ZNF462: variants seen among roughly 807,000 people sequenced by gnomAD.
The protein encoded by ZNF462 is zinc finger PBX1-interacting protein.
In ZNF462, 10 loss-of-function variants were observed where a neutral mutation model predicts 201.9. The ratio of observed to expected loss-of-function variants is 0.05; its 90% CI spans 0.03 to 0.08. The LOEUF is 0.08. Among genes scored for constraint, ZNF462 ranks in the 10% least tolerant of loss-of-function variants. ZNF462 has a pLI of 1.00. For missense variants in ZNF462, 2,523 were observed against 3,168.3 expected, an observed-to-expected ratio of 0.80 and a Z score of 4.89; for synonymous variants, 1,227 against 1,193.3, an observed-to-expected ratio of 1.03 and a Z score of -0.58.
chr9:106,939,248 AT>A, intron 7 of ZNF462, 141 bp downstream of exon 7: 4 of 939,952 alleles, frequency 4.3e-6, no homozygotes, highest in Non-Finnish European at 6.2e-6. Flanking sequence ...AAAAGTTGAA[AT>A]GGTGTGGAAG....
Position 107,010,235 on chromosome 9 carries a change from A to C in ZNF462, c.7313+567A>C, listed in dbSNP as rs932130897. Among the ~76,000 whole-genome samples the C allele has an allele frequency of 6.6e-6, 1 of 152,132 alleles. No homozygotes were observed. Among genetic ancestry groups the C allele is most frequent in the African/African-American group, 2.4e-5 (1 of 41,430 alleles). On this transcript the variant is annotated intron_variant, in intron 12 of 12. Transcript: ENST00000277225. The surrounding 1 kb of genome is among the most constrained non-coding windows in gnomAD (Gnocchi z 4.6). ...GGATGTGGTCTTTTCAGGAGGAAAC[A>C]TGGCTTGTGTGGTGATAGGAAGCCT...
At chr9:106,948,586 C>G (rs1372657441) in intron 7 of ZNF462, among the ~76,000 whole-genome samples, 1 of 152,046 alleles carries the variant, frequency 6.6e-6, no homozygotes. Context: ...CCAGAATAAT[C>G]TCTATTCACA....
chr9:106,867,578 A>C (rs541917960), intron 1 of ZNF462, among the ~76,000 whole-genome samples: 4 of 152,208 alleles, frequency 2.6e-5, no homozygotes, highest in Admixed American at 2.6e-4. Flanking sequence ...TTTAGAGAAA[A>C]AAAAAAAAAC....
intron 1 of ZNF462, among the ~76,000 whole-genome samples, chr9:106,878,281 G>A (rs796500517): frequency 5.9e-5 from 9 of 152,284 alleles, no homozygotes; most frequent in African/African-American, 2.2e-4. Flanking sequence ...ACCCTGCCAG[G>A]GGCCCAATAA....
chr9:106,864,490 C>G lies in ZNF462; in HGVS notation c.-31+1135C>G, dbSNP rs1476159156. Among the ~76,000 whole-genome samples, 3 of 152,100 alleles carry G rather than the reference C, an allele frequency of 2.0e-5. No individual in the cohort carries two copies. In the East Asian group the frequency reaches 5.8e-4, roughly 30 times the overall value. ...GCAGCCCCTCTTTCCCTTTCTTTAT[C>G]TCCCTGTCCTCCATTTGCAAGCTGT... On this transcript the variant is annotated intron_variant, in intron 1 of 12. Transcript: ENST00000277225.
Position 107,003,437 on chromosome 9 carries a change from T to C in ZNF462, c.7189+11T>C. 1 of 1,612,566 alleles carries C rather than the reference T, an allele frequency of 6.2e-7. No homozygotes were observed. The highest frequency in any genetic ancestry group is 8.5e-7 in the Non-Finnish European group (1 of 1,179,396). On this transcript the variant is annotated intron_variant, in intron 11 of 12. Coordinates refer to ENST00000277225, the MANE Select transcript of ZNF462 (RefSeq NM_021224.6). The surrounding 1 kb of genome is among the most constrained non-coding windows in gnomAD (Gnocchi z 4.4). ...AGGCTGAAGACAGAGGTTAGTCTCA[T>C]CCTGCCCTCCCAATCCCAGATGGCA...
At chr9:106,971,164 C>A (rs1826587495) in intron 7 of ZNF462, among the ~76,000 whole-genome samples, 1 of 151,712 alleles carries the variant, frequency 6.6e-6, no homozygotes, top group South Asian at 2.1e-4. Context: ...TGTGTGAGTG[C>A]CTTGTGCTTG....
intron 1 of ZNF462, among the ~76,000 whole-genome samples, chr9:106,910,363 T>G (rs35990698): frequency 2.3e-5 from 2 of 88,448 alleles, no homozygotes; most frequent in Non-Finnish European, 4.6e-5. Flanking sequence ...CTTGTTTTAG[T>G]TTTTTTTTTT....
chr9:106,984,726 A>G lies in ZNF462; in HGVS notation c.7056+317A>G, dbSNP rs1827701110. 6.6e-6 allele frequency among the ~76,000 whole-genome samples: 1 copy of G among 152,214 alleles called. No homozygotes were observed. Among genetic ancestry groups the G allele is most frequent in the South Asian group, 2.1e-4 (1 of 4,830 alleles). On this transcript the variant is annotated intron_variant, in intron 10 of 12. Coordinates refer to ENST00000277225, the MANE Select transcript of ZNF462 (RefSeq NM_021224.6). This position sits in a 1 kb window ranked among gnomAD's most constrained non-coding sequence, Gnocchi z 6.4. ...GATTATACTATACATAAAACATGATACCTTACATTTTTTAAAGCTTATTCT... is the reference window on the plus strand; with the variant it reads ...GATTATACTATACATAAAACATGATGCCTTACATTTTTTAAAGCTTATTCT...
chr9:106,971,205 T>A (rs1456424311), intron 7 of ZNF462, among the ~76,000 whole-genome samples: 5 of 151,754 alleles, frequency 3.3e-5, no homozygotes, highest in Admixed American at 1.3e-4. Context: ...ATTTTTTTTT[T>A]AAATTTGGTT....
chr9:106,882,815 A>G (rs1828157737), intron 1 of ZNF462, among the ~76,000 whole-genome samples: 2 of 152,196 alleles, frequency 1.3e-5, no homozygotes, highest in African/African-American at 4.8e-5. Context: ...TCTTTGACCT[A>G]TTAAGTCTAA....
rs544340158 is a variant in ZNF462 at position 106,970,557 on chromosome 9, A to C, written c.6428-1448A>C. Among the ~76,000 whole-genome samples, 1 of 152,258 alleles carries C rather than the reference A, an allele frequency of 6.6e-6. No homozygotes were observed. The highest frequency in any genetic ancestry group is 6.5e-5 in the Admixed American group (1 of 15,302). The stretch of plus-strand genomic sequence containing the variant: ...ATTAAGTGTCCATCAAATCAGGAGG[A>C]GGCTTGTACAGTTTCTATCCCCTTT... On this transcript the variant is annotated intron_variant, in intron 7 of 12. Transcript: ENST00000277225. This position sits in a 1 kb window ranked among gnomAD's most constrained non-coding sequence, Gnocchi z 4.2.
chr9:106,990,030 T>C (rs1376945068), intron 10 of ZNF462, among the ~76,000 whole-genome samples: 2 of 152,136 alleles, frequency 1.3e-5, no homozygotes, highest in Non-Finnish European at 2.9e-5. Context: ...TTTGTTTGTT[T>C]GTTTCAATTT....
rs1828021374 is a variant in ZNF462 at position 106,880,010 on chromosome 9, T to C, written c.-31+16655T>C. The stretch of plus-strand genomic sequence containing the variant: ...TTGGAATCGTGGATCCTTGTAGCAG[T>C]TGAACATGATAGTTGAATTGTTTCT... On this transcript the variant is annotated intron_variant, in intron 1 of 12. Coordinates refer to ENST00000277225, the MANE Select transcript of ZNF462 (RefSeq NM_021224.6). This position sits in a 1 kb window ranked among gnomAD's most constrained non-coding sequence, Gnocchi z 4.1. 6.6e-6 allele frequency among the ~76,000 whole-genome samples: 1 copy of C among 152,164 alleles called. No homozygotes were observed. Among genetic ancestry groups the C allele is most frequent in the Non-Finnish European group, 1.5e-5 (1 of 68,018 alleles).
chr9:106,922,069 T>C (rs2131413836), intron 1 of ZNF462, among the ~76,000 whole-genome samples: 1 of 152,354 alleles, frequency 6.6e-6, no homozygotes, highest in South Asian at 2.1e-4. Context: ...ATGGCTCCTT[T>C]CACTACATTG....
intron 7 of ZNF462, among the ~76,000 whole-genome samples, chr9:106,945,997 G>A (rs79967190): frequency 6.6e-6 from 1 of 152,200 alleles, no homozygotes; most frequent in Admixed American, 6.5e-5. Context: ...TAGTTTTGTG[G>A]CTGCTATCAT....
At chr9:106,864,472 C>G (rs1341396938) in intron 1 of ZNF462, among the ~76,000 whole-genome samples, 1 of 152,130 alleles carries the variant, frequency 6.6e-6, no homozygotes, top group Non-Finnish European at 1.5e-5. Context: ...GGAGCAGCCC[C>G]TCTTTCCCTT....
In ZNF462 at chr9:106,926,390, G is replaced by A; in HGVS notation, c.2478G>A (p.Gly826=). 1.2e-6 allele frequency: 2 copies of A among 1,614,166 alleles called. No individual in the cohort carries two copies. Among genetic ancestry groups the A allele is most frequent in the Non-Finnish European group, 1.7e-6 (2 of 1,180,038 alleles). Residue 826 remains glycine, a synonymous_variant, in exon 3 of 13, where the codon GGG becomes GGA. Transcript: ENST00000277225. This position sits in a 1 kb window ranked among gnomAD's most constrained non-coding sequence, Gnocchi z 7.9. Reference sequence around the variant, plus strand: ...TGAATACCCAAACTCCCATCTATGGGACTGAGCACAATAGTGAAAACACAG... The same window carrying A: ...TGAATACCCAAACTCCCATCTATGGAACTGAGCACAATAGTGAAAACACAG... ...ALLNTQTPIY[G]TEHNSENTDF...
In ZNF462 at chr9:106,927,412, C is replaced by T. The variant is rs748620774; in HGVS notation, c.3500C>T (p.Pro1167Leu). The change falls in exon 3 of 13, where the codon CCC becomes CTC. Residue 1167 changes from proline (P) to leucine (L), a missense_variant. Coordinates refer to ENST00000277225, the MANE Select transcript of ZNF462 (RefSeq NM_021224.6). ...GGGGTCGAAGGGCCCCAAGGCTCCC[C>T]CCGGCCACCCGCCCCCATACAACAG... ...MRGVEGPQGS[P>L]RPPAPIQQLN... 9 of 1,613,816 alleles carry T rather than the reference C, an allele frequency of 5.6e-6. No homozygotes were observed. The highest frequency in any genetic ancestry group is 6.8e-6 in the Non-Finnish European group (8 of 1,179,976).
Sources: allele counts gnomAD v4.1 joint callset (sites outside exome capture counted in the v4.1 genomes callset), GRCh38; gene constraint gnomAD v4.1.1; non-coding constraint Gnocchi (gnomAD v3.1); transcripts MANE v1.5; gene names NCBI Gene and HGNC (gene_info 2026-07-23, HGNC 2026-07-21).